ITPR1: variants seen among roughly 807,000 people sequenced by gnomAD.
ITPR1 encodes inositol 1,4,5-trisphosphate receptor type 1, also known as inositol 1,4,5-trisphosphate-gated calcium channel ITPR1.
Under a neutral mutation model 318.4 loss-of-function variants are expected in ITPR1, and 96 were observed. The ratio of observed to expected loss-of-function variants is 0.30; its 90% confidence interval spans 0.26 to 0.36. The LOEUF (loss-of-function observed/expected upper bound fraction) is 0.36. Ranked by LOEUF, ITPR1 falls within the 10% of genes least tolerant of loss-of-function variation. The pLI, the probability that ITPR1 is intolerant of heterozygous loss-of-function variation, is 1.00. For synonymous variants in ITPR1, 1,312 were observed against 1,289.9 expected (o/e 1.02, Z -0.37); for missense variants, 2,440 against 3,460.2 (o/e 0.71, Z 7.40).
chr3:4,562,553 G>A (rs922787925), intron 4 of ITPR1, among the ~76,000 whole-genome samples: 10 of 152,138 alleles, frequency 6.6e-5, no homozygotes, highest in African/African-American at 2.4e-4. Context: ...ATTGTTTATA[G>A]TAGGGATCAT....
At chr3:4,682,340 A>G (rs1279579459) in intron 26 of ITPR1, among the ~76,000 whole-genome samples, 1 of 152,232 alleles carries the variant, frequency 6.6e-6, no homozygotes, top group Non-Finnish European at 1.5e-5. Context: ...TCAAAAAGCA[A>G]ATGTTCTAAG....
chr3:4,603,462 T>C (rs1442365211), intron 4 of ITPR1, among the ~76,000 whole-genome samples: 1 of 152,096 alleles, frequency 6.6e-6, no homozygotes, highest in East Asian at 1.9e-4. Flanking sequence ...CAGAGTCTCC[T>C]TCTGTCACCC....
chr3:4,694,062 G>T (rs1048060224), intron 33 of ITPR1, among the ~76,000 whole-genome samples: 4 of 152,160 alleles, frequency 2.6e-5, no homozygotes, highest in African/African-American at 4.8e-5. Flanking sequence ...GTGACGAAGA[G>T]TAGGTTGAGA....
chr3:4,807,109 GGCTT>G lies in ITPR1; in HGVS notation c.7272+843_7272+846del, dbSNP rs1559930410. On this transcript the variant is annotated intron_variant, in intron 55 of 61. Coordinates refer to ENST00000649015, the MANE Select transcript of ITPR1 (RefSeq NM_001378452.1). ...AGAGGGGGGCTTACAAAGAGAGGGG[GGCTT>G]ACAAAGAGAGGGGGGCTTACAAAGA... Among the ~76,000 whole-genome samples the G allele has an allele frequency of 2.1e-3, 35 of 16,928 alleles. 1 individual carries two copies. In the South Asian group the frequency reaches 0.039, roughly 19 times the overall value. The allele number at this position is 16,928 out of a possible 152,430, so 11.1% of individuals were successfully genotyped here.
chr3:4,685,900 T>C (rs2094385972), intron 30 of ITPR1, among the ~76,000 whole-genome samples: 1 of 152,156 alleles, frequency 6.6e-6, no homozygotes, highest in African/African-American at 2.4e-5. Flanking sequence ...GACTGAGGCT[T>C]GGGGAGGTTT....
intron 44 of ITPR1, chr3:4,749,278 C>G (rs1025853910): frequency 1.2e-4 from 18 of 152,178 alleles, no homozygotes; most frequent in African/African-American, 4.3e-4. Context: ...TTCAGTTGCT[C>G]ACATTGGATA....
At position 4,662,114 on chromosome 3, in the gene ITPR1, A is replaced by G; in HGVS notation, c.1284A>G (p.Glu428=). The G allele has an allele frequency of 6.2e-7, 1 of 1,613,816 alleles. No homozygotes were observed. Among genetic ancestry groups the G allele is most frequent in the Non-Finnish European group, 8.5e-7 (1 of 1,179,746 alleles). Residue 428 remains glutamate, a synonymous_variant, in exon 15 of 62, where the codon GAA becomes GAG. Transcript: ENST00000649015. ...IGTSPVKEDK[E]AFAIVPVSPA... is the part of the protein sequence containing the mutation. ...CCTCTCCTGTGAAGGAGGATAAGGA[A>G]GCATTTGCCATAGTTCCGGTTTCTC...
At position 4,660,843 on chromosome 3, in the gene ITPR1, A is replaced by G. The variant is rs983827632; in HGVS notation, c.1152-145A>G. 12 of 446,992 alleles carry G rather than the reference A, an allele frequency of 2.7e-5. No homozygotes were observed. In the South Asian group the frequency reaches 3.9e-4, roughly 15 times the overall value. 27.7% of individuals were successfully genotyped at this position (446,992 alleles called of 1,614,324 possible). A position where few individuals can be genotyped will look rare whatever the true frequency, so the allele number is the denominator to read the frequency against. On this transcript the variant is annotated intron_variant, in intron 13 of 61. Transcript: ENST00000649015. ...TCAGAATGTGGCTTGGACCTGGACC[A>G]TTTGCCCCTTCGTGTATACTGCCCA...
Position 4,760,327 on chromosome 3 carries a change from G to A in ITPR1, c.5545-6203G>A, listed in dbSNP as rs140295334. ...GGTCGGCCTGGCGGGGGCAGATGCC[G>A]TTCCCTCTGGTGGAGAGGCAGCCTC... On this transcript the variant is annotated intron_variant, in intron 44 of 61. Coordinates refer to ENST00000649015, the MANE Select transcript of ITPR1 (RefSeq NM_001378452.1). Among the ~76,000 whole-genome samples, 223 of 152,354 alleles carry A rather than the reference G, an allele frequency of 1.5e-3. 1 individual carries two copies. The highest frequency in any genetic ancestry group is 5.1e-3 in the African/African-American group (213 of 41,580).
intron 9 of ITPR1, 27 bp from the exon 10 acceptor site, chr3:4,645,555 T>G (rs2093435393): frequency 6.2e-7 from 1 of 1,611,298 alleles, no homozygotes; most frequent in Non-Finnish European, 8.5e-7. Flanking sequence ...TCTTTTTTCC[T>G]TAATTCTTTC....
intron 4 of ITPR1, among the ~76,000 whole-genome samples, chr3:4,550,064 G>C (rs781636178): frequency 3.9e-5 from 6 of 151,910 alleles, no homozygotes; most frequent in Non-Finnish European, 8.8e-5. Context: ...AGGATTTCCT[G>C]TGCTTTCAGT....
intron 5 of ITPR1, among the ~76,000 whole-genome samples, chr3:4,633,370 T>G (rs2093076577): frequency 6.6e-6 from 1 of 152,170 alleles, no homozygotes; most frequent in Admixed American, 6.5e-5. Flanking sequence ...GCCAATACGA[T>G]GTTGTATTTT....
intron 10 of ITPR1, among the ~76,000 whole-genome samples, chr3:4,650,235 C>G (rs557986229): frequency 1.3e-5 from 2 of 152,258 alleles, no homozygotes; most frequent in African/African-American, 4.8e-5. Context: ...TCTCAAGGTT[C>G]TTGGGAGCAG....
chr3:4,586,193 G>C (rs1317497008), intron 4 of ITPR1, among the ~76,000 whole-genome samples: 2 of 152,168 alleles, frequency 1.3e-5, no homozygotes, highest in African/African-American at 4.8e-5. Flanking sequence ...TTGGTTCCAA[G>C]TCTTTGCTAT....
At chr3:4,643,991 G>A (rs546993474) in intron 7 of ITPR1, 145 bp from the exon 8 acceptor site, 357 of 608,056 alleles carry the variant, frequency 5.9e-4, no homozygotes, top group Middle Eastern at 9.8e-4. Context: ...TAAAGAAGGC[G>A]TGGTGTGTGC....
intron 61 of ITPR1, among the ~76,000 whole-genome samples, chr3:4,838,496 T>C (rs985885805): frequency 6.6e-6 from 1 of 152,184 alleles, no homozygotes; most frequent in African/African-American, 2.4e-5. Flanking sequence ...CCATTTGAGA[T>C]AACTGTGGCT....
At chr3:4,610,234 G>C (rs2091989421) in intron 4 of ITPR1, among the ~76,000 whole-genome samples, 1 of 152,164 alleles carries the variant, frequency 6.6e-6, no homozygotes, top group Admixed American at 6.5e-5. Context: ...ACCTGGGCTG[G>C]GTTAGTGCTC....
At chr3:4,595,234 A>G (rs2090709159) in intron 4 of ITPR1, among the ~76,000 whole-genome samples, 1 of 152,248 alleles carries the variant, frequency 6.6e-6, no homozygotes, top group South Asian at 2.1e-4. Flanking sequence ...TATAGGAAGC[A>G]TGATGCTGGC....
chr3:4,801,316 GAA>G (rs892288382), intron 54 of ITPR1, among the ~76,000 whole-genome samples: 3 of 152,160 alleles, frequency 2.0e-5, no homozygotes, highest in Non-Finnish European at 2.9e-5. Context: ...TGCAAAACTG[GAA>G]GTGATATCGC....
Sources: gnomAD v4.1 joint callset for allele counts (sites outside exome capture counted in the v4.1 genomes callset) on GRCh38, gnomAD v4.1.1 for gene constraint, MANE v1.5 for transcripts, NCBI Gene and HGNC (gene_info 2026-07-23, HGNC 2026-07-21) for gene names.